The following ZNF468 variants were observed in gnomAD, a reference collection of about 807,000 sequenced individuals.
ZNF468 encodes the protein zinc finger protein ZNF468.
A neutral mutation model predicts 7.2 loss-of-function variants in ZNF468; 8 were observed. The ratio of observed to expected loss-of-function variants is 1.11; its 90% CI spans 0.65 to 2.01. The LOEUF (loss-of-function observed/expected upper bound fraction) is 2.01, where lower values mean the gene tolerates loss of function less well. Ranked by LOEUF, ZNF468 falls within the 30% of genes most tolerant of loss-of-function variation. The pLI is 0.00. For synonymous variants in ZNF468, 218 were observed against 214.4 expected (o/e 1.02, Z -0.15); for missense variants, 608 against 626.5 (o/e 0.97, Z 0.31).
intron 2 of ZNF468, among the ~76,000 whole-genome samples, chr19:52,850,772 G>A (rs1038663346): frequency 8.2e-4 from 125 of 151,752 alleles, no homozygotes; most frequent in Admixed American, 6.3e-3. Flanking sequence ...GGTGGCGGGC[G>A]CCTGTAGTCC....
At position 52,841,176 on chromosome 19, in the gene ZNF468, T is replaced by C. The variant is rs770261985; in HGVS notation, c.1118A>G (p.His373Arg). 3 of 1,613,448 alleles carry C rather than the reference T, an allele frequency of 1.9e-6. No individual in the cohort carries two copies. The highest frequency in any genetic ancestry group is 1.1e-5 in the South Asian group (1 of 91,044). ...VFNRLSTLAR[H>R]HRLHTGEKPY... ...TTTCTCTCCAGTATGAAGTCTATGATGGCGTGCAAGGGTTGATAGTCGATT... is the reference window on the plus strand; with the variant it reads ...TTTCTCTCCAGTATGAAGTCTATGACGGCGTGCAAGGGTTGATAGTCGATT... The change falls in exon 4 of 4, where the codon CAT (histidine) becomes CGT (arginine). Residue 373 changes from histidine to arginine, a missense_variant. Physicochemically the swap from His to Arg is conservative, Grantham distance 29. Coordinates refer to ENST00000595646, the MANE Select transcript of ZNF468 (RefSeq NM_001008801.2).
Position 52,841,444 on chromosome 19 carries a change from A to T in ZNF468, c.850T>A (p.Ser284Thr), listed in dbSNP as rs1226906112. 1 of 1,613,906 alleles carries T rather than the reference A, an allele frequency of 6.2e-7. No homozygotes were observed. Among genetic ancestry groups the T allele is most frequent in the Non-Finnish European group, 8.5e-7 (1 of 1,179,972 alleles). Residue 284 changes from serine (S) to threonine (T), a missense_variant, in exon 4 of 4, where the codon TCA (serine) becomes ACA (threonine). Coordinates refer to ENST00000595646, the MANE Select transcript of ZNF468 (RefSeq NM_001008801.2). ...AGCGCTTTGTGAATGAAGAGGGATG[A>T]ATTATGACCAAAGGTCTTGCCACAC... Reference protein sequence around the residue: ...NECGKTFGHNSSLFIHKALHT... With the variant: ...NECGKTFGHNTSLFIHKALHT...
chr19:52,839,441 T>TTGAAATCAATG lies in ZNF468; in HGVS notation c.*1273_*1283dup, dbSNP rs1449996423. The TTGAAATCAATG allele has an allele frequency of 2.0e-5, 8 of 405,958 alleles. No individual in the cohort carries two copies. Among genetic ancestry groups the TTGAAATCAATG allele is most frequent in the African/African-American group, 1.7e-4 (8 of 47,854 alleles). The allele number at this position is 405,958 out of a possible 1,614,324, so 25.1% of individuals were successfully genotyped here. A position where few individuals can be genotyped will look rare whatever the true frequency, so the allele number is the denominator to read the frequency against. On this transcript the variant is annotated 3_prime_UTR_variant, in exon 4 of 4. Transcript: ENST00000595646. ...TAAACAGTTTAATGGCAATTAATGC[T>TTGAAATCAATG]TGAAATCAATGTTAAATCAACAAAC...
intron 2 of ZNF468, among the ~76,000 whole-genome samples, chr19:52,851,844 A>G (rs1054239725): frequency 1.3e-5 from 2 of 152,154 alleles, no homozygotes; most frequent in Non-Finnish European, 2.9e-5. Flanking sequence ...CTCACAAGAA[A>G]TTAGATGTTA....
intron 2 of ZNF468, among the ~76,000 whole-genome samples, chr19:52,850,230 T>C (rs2063375512): frequency 6.6e-6 from 1 of 152,138 alleles, no homozygotes; most frequent in Non-Finnish European, 1.5e-5. Context: ...CTTTGGCAGT[T>C]GTGGGCAGGG....
In ZNF468 at chr19:52,855,649, G is replaced by C. The variant is rs186476829; in HGVS notation, c.-73-1304C>G. On this transcript the variant is annotated intron_variant, in intron 1 of 3. Coordinates refer to ENST00000595646, the MANE Select transcript of ZNF468 (RefSeq NM_001008801.2). ...ACAAAGGCCTCCAAAGATCCTCTCT[G>C]TTTCTGAGTCTACCGCTCTGTTTCT... is the stretch of plus-strand genomic sequence containing the variant. Among the ~76,000 whole-genome samples, 895 of 144,576 alleles carry C rather than the reference G, an allele frequency of 6.2e-3. 10 individuals carry two copies. Among genetic ancestry groups the C allele is most frequent in the African/African-American group, 0.02 (792 of 40,202 alleles). The allele number at this position is 144,576 out of a possible 152,430, so 94.8% of individuals were successfully genotyped here. A position where few individuals can be genotyped will look rare whatever the true frequency, so the allele number is the denominator to read the frequency against.
At chr19:52,853,419 T>C (rs1246869247) in intron 2 of ZNF468, among the ~76,000 whole-genome samples, 2 of 152,190 alleles carry the variant, frequency 1.3e-5, no homozygotes, top group Non-Finnish European at 2.9e-5. Context: ...CTGGGCATGA[T>C]GGCTTGCGCT....
chr19:52,848,016 A>T (rs981478669), intron 3 of ZNF468, among the ~76,000 whole-genome samples: 1 of 152,170 alleles, frequency 6.6e-6, no homozygotes, highest in African/African-American at 2.4e-5. Context: ...AGAAATACCC[A>T]CAGGTATGGA....
intron 3 of ZNF468, among the ~76,000 whole-genome samples, chr19:52,846,401 T>C (rs1353614469): frequency 6.6e-6 from 1 of 152,132 alleles, no homozygotes; most frequent in Non-Finnish European, 1.5e-5. Context: ...AGTTTTCACA[T>C]GTTAGCCAGG....
intron 3 of ZNF468, among the ~76,000 whole-genome samples, chr19:52,843,311 G>A (rs2063320451): frequency 6.6e-6 from 1 of 151,992 alleles, no homozygotes; most frequent in South Asian, 2.1e-4. Context: ...TTGGCTCACT[G>A]CAACCTCCAC....
Position 52,847,429 on chromosome 19 carries a change from G to C in ZNF468, c.142+1658C>G, listed in dbSNP as rs896972065. Among the ~76,000 whole-genome samples the C allele has an allele frequency of 1.4e-5, 2 of 145,494 alleles. 1 individual carries two copies. The highest frequency in any genetic ancestry group is 4.0e-4 in the East Asian group (2 of 5,062). ...GAGACAGCCTGAGATATGGCCTCAT[G>C]GGAAAGGAAAGACCTTACATCCCCC... is the stretch of plus-strand genomic sequence containing the variant. On this transcript the variant is annotated intron_variant, in intron 3 of 3. Transcript: ENST00000595646.
intron 3 of ZNF468, among the ~76,000 whole-genome samples, chr19:52,843,120 C>CAAAAAAAA (rs11356842): frequency 4.4e-5 from 3 of 68,688 alleles, no homozygotes; most frequent in African/African-American, 4.7e-5. Context: ...GACTCTGTCT[C>CAAAAAAAA]AAAAAAAAAA....
Position 52,841,568 on chromosome 19 carries a change from T to C in ZNF468, c.726A>G (p.Gln242=), listed in dbSNP as rs775229828. ...KHQIIHLEEK[Q]CKCDVCGKVF... ...CCTTGCCACATACATCACATTTACA[T>C]TGTTTCTCTTCTAAGTGAATTATCT... The change falls in exon 4 of 4, where the codon CAA becomes CAG. Residue 242 remains glutamine (Q), a synonymous_variant. Coordinates refer to ENST00000595646, the MANE Select transcript of ZNF468 (RefSeq NM_001008801.2). 10 of 1,614,108 alleles carry C rather than the reference T, an allele frequency of 6.2e-6. No homozygotes were observed. In the South Asian group the frequency reaches 7.7e-5, roughly 12 times the overall value.
In ZNF468 at chr19:52,841,674, T is replaced by C. The variant is rs2063302985; in HGVS notation, c.620A>G (p.Glu207Gly). Reference protein sequence around the residue: ...LHSSLLTQKWEVHMREKSFEC... With the variant: ...LHSSLLTQKWGVHMREKSFEC... ...AAAAGATTTTTCTCTCATGTGTACT[T>C]CCCATTTTTGTGTGAGTAATGAAGA... Residue 207 changes from glutamate (E) to glycine (G), a missense_variant, in exon 4 of 4, where the codon GAA becomes GGA. By Grantham distance (98) the Glu-to-Gly change is moderately conservative (BLOSUM62 -2). Transcript: ENST00000595646. The C allele has an allele frequency of 2.5e-6, 4 of 1,614,118 alleles. No individual in the cohort carries two copies. The highest frequency in any genetic ancestry group is 4.5e-5 in the East Asian group (2 of 44,864).
At position 52,840,522 on chromosome 19, in the gene ZNF468, T is replaced by G; in HGVS notation, c.*203A>C. Reference sequence around the variant, plus strand: ...TTTCTTATGTGTTTTAAGGTTTGATTTACAACTGAAAACTTTTGTCACATT... The same window carrying G: ...TTTCTTATGTGTTTTAAGGTTTGATGTACAACTGAAAACTTTTGTCACATT... On this transcript the variant is annotated 3_prime_UTR_variant, in exon 4 of 4. Coordinates refer to ENST00000595646, the MANE Select transcript of ZNF468 (RefSeq NM_001008801.2). 1 of 1,092,926 alleles carries G rather than the reference T, an allele frequency of 9.1e-7. No homozygotes were observed. Among genetic ancestry groups the G allele is most frequent in the Non-Finnish European group, 1.4e-6 (1 of 732,020 alleles). 67.7% of individuals were successfully genotyped at this position (1,092,926 alleles called of 1,614,324 possible).
chr19:52,844,368 G>A (rs566427444), intron 3 of ZNF468, among the ~76,000 whole-genome samples: 1 of 152,084 alleles, frequency 6.6e-6, no homozygotes, highest in African/African-American at 2.4e-5. Flanking sequence ...TCACCAGGAA[G>A]CAATTTGGCT....
At chr19:52,857,281 T>G (rs2063448800) in intron 1 of ZNF468, among the ~76,000 whole-genome samples, 1 of 152,018 alleles carries the variant, frequency 6.6e-6, no homozygotes, top group African/African-American at 2.4e-5. Flanking sequence ...GGTGAGGACT[T>G]TAAAAAGAGC....
In ZNF468 at chr19:52,846,652, A is replaced by T. The variant is rs936869444; in HGVS notation, c.142+2435T>A. ...ACTAATGTTGTTATATTCACACTGG[A>T]ATCATGCTTAAACCACTTATATGTT... On this transcript the variant is annotated intron_variant, in intron 3 of 3. Transcript: ENST00000595646. 5 of 159,186 alleles carry T rather than the reference A, an allele frequency of 3.1e-5. No homozygotes were observed. In the Admixed American group the frequency reaches 3.3e-4, roughly 10 times the overall value. The allele number at this position is 159,186 out of a possible 1,614,324, so 9.9% of individuals were successfully genotyped here.
rs777436643 is a variant in ZNF468, at chr19:52,841,033, T to G, written c.1261A>C (p.Ser421Arg). 7 of 1,612,954 alleles carry G rather than the reference T, an allele frequency of 4.3e-6. No homozygotes were observed. Among genetic ancestry groups the G allele is most frequent in the South Asian group, 3.3e-5 (3 of 91,060 alleles). ...TGTCTTTCCAGGTTTGATTTGCGAC[T>G]GAAAACTTTGCAACATTCTTCACAT... Reference protein sequence around the residue: ...YKCEECCKVFSRKSNLERHRR... With the variant: ...YKCEECCKVFRRKSNLERHRR... Residue 421 changes from serine to arginine, a missense_variant, in exon 4 of 4, where the codon AGT becomes CGT. Coordinates refer to ENST00000595646, the MANE Select transcript of ZNF468 (RefSeq NM_001008801.2).
Sources: gnomAD v4.1 joint callset for allele counts (sites outside exome capture counted in the v4.1 genomes callset) on GRCh38, gnomAD v4.1.1 for gene constraint, MANE v1.5 for transcripts, NCBI Gene and HGNC (gene_info 2026-07-23, HGNC 2026-07-21) for gene names.